SLIT2: variants seen among roughly 807,000 people sequenced by gnomAD.
SLIT2 encodes the protein slit guidance ligand 2.
In SLIT2, 41 loss-of-function variants were observed where a neutral mutation model predicts 185.7. That is an observed-to-expected ratio of 0.22 (90% CI 0.17 to 0.29). The LOEUF is 0.29. Among genes scored for constraint, SLIT2 ranks in the 10% least tolerant of loss-of-function variants. The pLI, the probability that SLIT2 is intolerant of heterozygous loss-of-function variation, is 1.00. For missense variants in SLIT2, 1,571 were observed against 1,909.0 expected, an observed-to-expected ratio of 0.82 and a Z score of 3.30; for synonymous variants, 693 against 680.2, an observed-to-expected ratio of 1.02 and a Z score of -0.29.
intron 4 of SLIT2, among the ~76,000 whole-genome samples, chr4:20,359,583 T>A (rs745691640): frequency 6.6e-5 from 10 of 152,038 alleles, no homozygotes; most frequent in Non-Finnish European, 1.5e-4. Context: ...TGTCTAGGGA[T>A]CTTAGACTCA....
At chr4:20,616,849 A>G in intron 34 of SLIT2, 61 bp from the exon 35 acceptor site, 1 of 1,517,198 alleles carries the variant, frequency 6.6e-7, no homozygotes, top group East Asian at 2.3e-5. Context: ...AGTATTTCTG[A>G]GTAGCAAATG....
intron 4 of SLIT2, among the ~76,000 whole-genome samples, chr4:20,348,160 T>C (rs1218847373): frequency 6.6e-6 from 1 of 152,176 alleles, no homozygotes; most frequent in Admixed American, 6.5e-5. Context: ...TTTCAGAGTT[T>C]AGTGAGCAAC....
intron 4 of SLIT2, among the ~76,000 whole-genome samples, chr4:20,325,658 C>G (rs1357886236): frequency 6.6e-6 from 1 of 152,080 alleles, no homozygotes; most frequent in African/African-American, 2.4e-5. Flanking sequence ...ATATTTTGCC[C>G]TAACTTCATC....
chr4:20,458,102 A>AAAG (rs1397430015), intron 4 of SLIT2, among the ~76,000 whole-genome samples: 3 of 152,008 alleles, frequency 2.0e-5, no homozygotes, highest in African/African-American at 4.8e-5. Context: ...AAAAAAAAAA[A>AAAG]AAAAGAGGTT....
rs543757184 is a variant in SLIT2 at position 20,595,803 on chromosome 4, G to A, written c.3289G>A (p.Gly1097Ser). The A allele has an allele frequency of 2.0e-5, 33 of 1,614,040 alleles. No individual in the cohort carries two copies. The East Asian group carries it at 4.9e-4, about 24-fold the overall frequency. The change falls in exon 31 of 37, where the codon GGC (glycine) becomes AGC (serine). Residue 1097 changes from glycine (G) to serine (S), a missense_variant. By Grantham distance (56) the Gly-to-Ser change is moderately conservative. Coordinates refer to ENST00000504154, the MANE Select transcript of SLIT2 (RefSeq NM_004787.4). ...NGAHCTDAVN[G>S]YTCICPEGYS... ...AGCCCACTGCACAGATGCAGTGAAC[G>A]GCTATACGTGCATATGCCCCGAAGG...
intron 6 of SLIT2, 130 bp from the exon 7 acceptor site, chr4:20,486,070 T>C: frequency 1.5e-6 from 1 of 653,272 alleles, no homozygotes; most frequent in Non-Finnish European, 2.8e-6. Flanking sequence ...AGTAGTGCAT[T>C]CTCTATGTCA....
At chr4:20,358,393 G>GTT (rs1722498052) in intron 4 of SLIT2, among the ~76,000 whole-genome samples, 1 of 152,162 alleles carries the variant, frequency 6.6e-6, no homozygotes, top group Admixed American at 6.5e-5. Flanking sequence ...TGGGCCAAAA[G>GTT]TTACAGTAAT....
intron 4 of SLIT2, among the ~76,000 whole-genome samples, chr4:20,363,769 T>G (rs1722910322): frequency 6.6e-6 from 1 of 152,112 alleles, no homozygotes; most frequent in Non-Finnish European, 1.5e-5. Context: ...AAGGGAAATA[T>G]TTAAATGTAA....
intron 26 of SLIT2, among the ~76,000 whole-genome samples, chr4:20,562,156 C>T (rs114606158): frequency 6.6e-6 from 1 of 151,792 alleles, no homozygotes; most frequent in Admixed American, 6.6e-5. Context: ...ATCTCCACCC[C>T]TCCACTGAAA....
chr4:20,365,660 T>C (rs1030527073), intron 4 of SLIT2, among the ~76,000 whole-genome samples: 2 of 152,120 alleles, frequency 1.3e-5, no homozygotes, highest in African/African-American at 2.4e-5. Flanking sequence ...ACCTGGAAGA[T>C]GGCTAAGGGA....
At chr4:20,485,164 C>T (rs558435029) in intron 6 of SLIT2, among the ~76,000 whole-genome samples, 6 of 152,202 alleles carry the variant, frequency 3.9e-5, no homozygotes, top group African/African-American at 1.2e-4. Context: ...TACTTGTATA[C>T]CCCCCGGGAT....
intron 29 of SLIT2, among the ~76,000 whole-genome samples, chr4:20,577,340 T>C (rs1463316915): frequency 6.6e-6 from 1 of 152,216 alleles, no homozygotes; most frequent in East Asian, 1.9e-4. Context: ...AAACTGATTT[T>C]CCTTCTTTGA....
chr4:20,345,596 C>T (rs1317567478), intron 4 of SLIT2, among the ~76,000 whole-genome samples: 2 of 133,070 alleles, frequency 1.5e-5, no homozygotes, highest in African/African-American at 2.9e-5. Context: ...AGTGCAGTGG[C>T]GTGATCTTGG....
At chr4:20,409,661 T>A (rs944562552) in intron 4 of SLIT2, among the ~76,000 whole-genome samples, 2 of 152,222 alleles carry the variant, frequency 1.3e-5, no homozygotes, top group Admixed American at 1.3e-4. Context: ...TGTTCCACAA[T>A]GGTTGAACTA....
At chr4:20,355,512 AG>A (rs1722245759) in intron 4 of SLIT2, among the ~76,000 whole-genome samples, 1 of 152,208 alleles carries the variant, frequency 6.6e-6, no homozygotes, top group Non-Finnish European at 1.5e-5. Context: ...GTGTGTATTC[AG>A]GACAGATGAG....
intron 4 of SLIT2, among the ~76,000 whole-genome samples, chr4:20,429,314 A>G (rs1043060482): frequency 6.6e-6 from 1 of 152,150 alleles, no homozygotes; most frequent in African/African-American, 2.4e-5. Flanking sequence ...ATTTTTGTAA[A>G]TGTTAAAATG....
At chr4:20,509,042 G>T (rs1719462770) in intron 9 of SLIT2, among the ~76,000 whole-genome samples, 2 of 151,538 alleles carry the variant, frequency 1.3e-5, no homozygotes, top group Admixed American at 6.6e-5. Flanking sequence ...GTGTGTGTGT[G>T]TATGCGTTAA....
intron 4 of SLIT2, among the ~76,000 whole-genome samples, chr4:20,390,236 G>A (rs1439713750): frequency 1.3e-5 from 2 of 152,032 alleles, no homozygotes; most frequent in African/African-American, 4.8e-5. Flanking sequence ...AAAGTCAGCT[G>A]TCTGATGGAA....
At chr4:20,463,450 T>TAGATATATATATAG (rs1440893392) in intron 4 of SLIT2, among the ~76,000 whole-genome samples, 1 of 20,554 alleles carries the variant, frequency 4.9e-5, no homozygotes, top group Non-Finnish European at 9.3e-5. Context: ...CAAACTGTGA[T>TAGATATATATATAG]ATATATATAT....
Sources: allele counts gnomAD v4.1 joint callset (sites outside exome capture counted in the v4.1 genomes callset), GRCh38; gene constraint gnomAD v4.1.1; transcripts MANE v1.5; gene names NCBI Gene and HGNC (gene_info 2026-07-23, HGNC 2026-07-21).